The following LDLRAD3 variants were observed in gnomAD, a reference collection of about 807,000 sequenced individuals.
The protein encoded by LDLRAD3 is low-density lipoprotein receptor class A domain-containing protein 3.
Under a neutral mutation model 29.4 loss-of-function variants are expected in LDLRAD3, and 20 were observed. The ratio of observed to expected loss-of-function variants is 0.68; its 90% confidence interval spans 0.48 to 0.99. The LOEUF (loss-of-function observed/expected upper bound fraction) is 0.99. LDLRAD3 is among the 50% of genes least tolerant of loss of function. The pLI is 0.00. For synonymous variants in LDLRAD3, 157 were observed against 192.7 expected (o/e 0.81, Z 1.53); for missense variants, 420 against 454.3 (o/e 0.92, Z 0.69).
intron 4 of LDLRAD3, among the ~76,000 whole-genome samples, chr11:36,103,136 C>G (rs1424911273): frequency 6.6e-6 from 1 of 151,994 alleles, no homozygotes; most frequent in Non-Finnish European, 1.5e-5. Context: ...ACTCCCTATT[C>G]TCCTTCCCCC....
At chr11:35,972,587 G>A (rs574481154) in intron 1 of LDLRAD3, 5 of 152,270 alleles carry the variant, frequency 3.3e-5, no homozygotes, top group South Asian at 4.1e-4. Flanking sequence ...AGCTGTTTAC[G>A]TGCAAGAATG....
At chr11:36,091,097 C>G (rs1168007636) in intron 3 of LDLRAD3, among the ~76,000 whole-genome samples, 1 of 152,168 alleles carries the variant, frequency 6.6e-6, no homozygotes, top group Non-Finnish European at 1.5e-5. Context: ...GTGCAGCCCC[C>G]TCTCCCTCAG....
At chr11:36,009,007 A>G (rs1199153686) in intron 1 of LDLRAD3, among the ~76,000 whole-genome samples, 1 of 152,090 alleles carries the variant, frequency 6.6e-6, no homozygotes, top group African/African-American at 2.4e-5. Context: ...TTGTCTCCAC[A>G]TGGAGACACG....
At chr11:36,073,500 G>A (rs1590244269) in intron 2 of LDLRAD3, among the ~76,000 whole-genome samples, 1 of 152,224 alleles carries the variant, frequency 6.6e-6, no homozygotes, top group African/African-American at 2.4e-5. Context: ...AGGGACAGTC[G>A]GGGCCTTGCC....
intron 4 of LDLRAD3, among the ~76,000 whole-genome samples, chr11:36,191,650 T>C (rs1854955190): frequency 7.0e-6 from 1 of 143,678 alleles, no homozygotes; most frequent in Admixed American, 7.1e-5. Flanking sequence ...AAAGAAGAAA[T>C]TGATAGAATA....
At chr11:36,141,747 C>G (rs752104135) in intron 4 of LDLRAD3, among the ~76,000 whole-genome samples, 1 of 152,056 alleles carries the variant, frequency 6.6e-6, no homozygotes, top group Admixed American at 6.5e-5. Flanking sequence ...GCCCCCGGCC[C>G]GAGCAGACAA....
chr11:36,010,132 T>G (rs1231362063), intron 1 of LDLRAD3: 2 of 154,352 alleles, frequency 1.3e-5, no homozygotes, highest in Non-Finnish European at 2.9e-5. Context: ...TTGTTACATT[T>G]TAGGATTGCT....
chr11:36,100,897 A>G (rs1209793918), intron 4 of LDLRAD3, among the ~76,000 whole-genome samples: 3 of 152,314 alleles, frequency 2.0e-5, no homozygotes, highest in East Asian at 3.9e-4. Context: ...TTACTGAAGC[A>G]GATTTTTGCT....
chr11:36,078,892 C>G (rs1322293445), intron 2 of LDLRAD3, among the ~76,000 whole-genome samples: 1 of 152,204 alleles, frequency 6.6e-6, no homozygotes, highest in Non-Finnish European at 1.5e-5. Context: ...CACAAATGAA[C>G]CTGACGCTTC....
intron 2 of LDLRAD3, among the ~76,000 whole-genome samples, chr11:36,072,237 A>T (rs987961088): frequency 6.6e-6 from 1 of 152,220 alleles, no homozygotes; most frequent in African/African-American, 2.4e-5. Flanking sequence ...AGCTGTTTCC[A>T]TAGCCTGAGA....
chr11:36,161,575 G>GGGATGGAT lies in LDLRAD3; in HGVS notation c.454+63138_454+63145dup, dbSNP rs145773800. Among the ~76,000 whole-genome samples the GGGATGGAT allele has an allele frequency of 6.3e-4, 95 of 151,556 alleles. 2 individuals are homozygous for GGGATGGAT. Among genetic ancestry groups the GGGATGGAT allele is most frequent in the East Asian group, 6.3e-3 (32 of 5,112 alleles). On this transcript the variant is annotated intron_variant, in intron 4 of 5. Coordinates refer to ENST00000315571, the MANE Select transcript of LDLRAD3 (RefSeq NM_174902.4). Reference sequence around the variant, plus strand: ...AGTCTACATTCTGTTGATTCATTTTGGGATGGATGGATGGATGGATGGATG... The same window carrying GGGATGGAT: ...AGTCTACATTCTGTTGATTCATTTTGGGATGGATGGATGGATGGATGGATGGATGGATG...
At chr11:36,151,998 C>T (rs886456474) in intron 4 of LDLRAD3, among the ~76,000 whole-genome samples, 2 of 151,986 alleles carry the variant, frequency 1.3e-5, no homozygotes, top group African/African-American at 4.8e-5. Context: ...TGACCACCAC[C>T]AGCTTCCCAA....
chr11:36,108,319 C>CAAAAAAAAAAAAAAAAAAAAAAA (rs60376519), intron 4 of LDLRAD3, among the ~76,000 whole-genome samples: 1 of 48,978 alleles, frequency 2.0e-5, no homozygotes, highest in Non-Finnish European at 3.5e-5. Flanking sequence ...GACTCCATCT[C>CAAAAAAAAAAAAAAAAAAAAAAA]AAAAAAAAAA....
At chr11:36,050,347 G>A (rs1203083378) in intron 2 of LDLRAD3, among the ~76,000 whole-genome samples, 2 of 152,176 alleles carry the variant, frequency 1.3e-5, no homozygotes, top group Non-Finnish European at 2.9e-5. Flanking sequence ...TGAGCCCTGG[G>A]CAGTGCCTGC....
intron 3 of LDLRAD3, among the ~76,000 whole-genome samples, chr11:36,084,150 C>T (rs1045031106): frequency 2.0e-5 from 3 of 152,166 alleles, no homozygotes; most frequent in African/African-American, 7.2e-5. Flanking sequence ...GTCTCGAACT[C>T]CTGGGCTCAA....
At chr11:36,019,554 C>T (rs932665568) in intron 1 of LDLRAD3, among the ~76,000 whole-genome samples, 2 of 152,106 alleles carry the variant, frequency 1.3e-5, no homozygotes, top group Non-Finnish European at 2.9e-5. Context: ...GGCCTGGGTC[C>T]CAGCACTTCA....
intron 1 of LDLRAD3, among the ~76,000 whole-genome samples, chr11:35,963,544 G>C (rs1189432027): frequency 6.6e-6 from 1 of 151,922 alleles, no homozygotes; most frequent in African/African-American, 2.4e-5. Flanking sequence ...CCCGATTAAA[G>C]CCTTCTTCCT....
intron 2 of LDLRAD3, among the ~76,000 whole-genome samples, chr11:36,069,412 T>C (rs1453015806): frequency 6.6e-6 from 1 of 152,224 alleles, no homozygotes; most frequent in African/African-American, 2.4e-5. Flanking sequence ...CTGAATATAT[T>C]AATAGCAGCA....
chr11:36,218,551 A>G (rs913307032), intron 4 of LDLRAD3, among the ~76,000 whole-genome samples: 3 of 152,228 alleles, frequency 2.0e-5, no homozygotes, highest in Non-Finnish European at 4.4e-5. Context: ...ATGAGAATGG[A>G]CGTGAGGTTA....
Sources: gnomAD v4.1 joint callset for allele counts (sites outside exome capture counted in the v4.1 genomes callset) on GRCh38, gnomAD v4.1.1 for gene constraint, MANE v1.5 for transcripts, NCBI Gene and HGNC (gene_info 2026-07-23, HGNC 2026-07-21) for gene names.